Variants in VLDLR observed in about 807,000 individuals in gnomAD.
VLDLR encodes very low density lipoprotein receptor.
A neutral mutation model predicts 112.7 loss-of-function variants in VLDLR; 81 were observed. The ratio of observed to expected loss-of-function variants is 0.72; its 90% CI spans 0.60 to 0.86. The LOEUF (loss-of-function observed/expected upper bound fraction) is 0.86. Ranked by LOEUF, VLDLR falls within the 40% of genes least tolerant of loss-of-function variation. The probability of loss-of-function intolerance (pLI) is 0.00; values close to 1 mark genes in which losing one functional copy is unlikely to be tolerated. For synonymous variants in VLDLR, 436 were observed against 384.8 expected (o/e 1.13, Z -1.56); for missense variants, 1,237 against 1,099.4 (o/e 1.13, Z -1.77).
In VLDLR at chr9:2,647,588, A is replaced by G. The variant is rs1818132711; in HGVS notation, c.1818A>G (p.Thr606=). Reference sequence around the variant, plus strand: ...ATATCCAGTGGCCTAACGGAATTACACTTGGTATGTATGTTCTTCCTTCTC... The same window carrying G: ...ATATCCAGTGGCCTAACGGAATTACGCTTGGTATGTATGTTCTTCCTTCTC... ...TADIQWPNGI[T]LDLIKSRLYW... Residue 606 remains threonine, a synonymous_variant, in exon 12 of 19, where the codon ACA becomes ACG. Transcript: ENST00000382100. 7.4e-6 allele frequency: 12 copies of G among 1,612,512 alleles called. No individual in the cohort carries two copies. Among genetic ancestry groups the G allele is most frequent in the Non-Finnish European group, 1.0e-5 (12 of 1,178,542 alleles).
rs910613799 is a variant in VLDLR, at chr9:2,641,613, T to C, written c.448+114T>C. On this transcript the variant is annotated intron_variant, in intron 4 of 18. Coordinates refer to ENST00000382100, the MANE Select transcript of VLDLR (RefSeq NM_003383.5). ...GCACTGACATTGACTCACTTTTCAGTGACTTCACTATCTGCTCAATTACTT... is the reference window on the plus strand; with the variant it reads ...GCACTGACATTGACTCACTTTTCAGCGACTTCACTATCTGCTCAATTACTT... 4 of 1,478,476 alleles carry C rather than the reference T, an allele frequency of 2.7e-6. No homozygotes were observed. In the African/African-American group the frequency reaches 5.6e-5, roughly 21 times the overall value. The allele number at this position is 1,478,476 out of a possible 1,614,324, so 91.6% of individuals were successfully genotyped here. A position where few individuals can be genotyped will look rare whatever the true frequency, so the allele number is the denominator to read the frequency against.
intron 11 of VLDLR, 88 bp from the exon 12 acceptor site, chr9:2,647,386 T>C (rs1818121634): frequency 9.1e-7 from 1 of 1,093,526 alleles, no homozygotes; most frequent in Admixed American, 1.7e-5. Context: ...TTGAGTTTTC[T>C]GCTCAAATTT....
intron 14 of VLDLR, among the ~76,000 whole-genome samples, chr9:2,649,324 T>C (rs1311551623): frequency 6.6e-6 from 1 of 152,192 alleles, no homozygotes; most frequent in African/African-American, 2.4e-5. Context: ...TTGATGGTGC[T>C]CTTCCCCCTT....
intron 10 of VLDLR, 37 bp from the exon 11 acceptor site, chr9:2,646,297 C>T: frequency 6.2e-7 from 1 of 1,606,414 alleles, no homozygotes; most frequent in Non-Finnish European, 8.5e-7. Flanking sequence ...CTAATTGTGT[C>T]AAACTCTTAA....
Position 2,656,380 on chromosome 9 carries a change from G to C in VLDLR, c.*2512G>C, listed in dbSNP as rs1416716040. The C allele has an allele frequency of 6.6e-6, 1 of 152,040 alleles. No individual in the cohort carries two copies. Among genetic ancestry groups the C allele is most frequent in the African/African-American group, 2.4e-5 (1 of 41,396 alleles). The allele number at this position is 152,040 out of a possible 1,614,324, so 9.4% of individuals were successfully genotyped here. Reference sequence around the variant, plus strand: ...AGGCCAAGGCAGGAGGATCACTTGAGGCCAGGAGTTCGAGACCAGCCTGAG... The same window carrying C: ...AGGCCAAGGCAGGAGGATCACTTGACGCCAGGAGTTCGAGACCAGCCTGAG... On this transcript the variant is annotated 3_prime_UTR_variant, in exon 19 of 19. Coordinates refer to ENST00000382100, the MANE Select transcript of VLDLR (RefSeq NM_003383.5).
intron 7 of VLDLR, among the ~76,000 whole-genome samples, 194 bp downstream of exon 7, chr9:2,644,153 GTTTT>G (rs59793046): frequency 3.3e-4 from 32 of 96,362 alleles, no homozygotes; most frequent in African/African-American, 1.4e-3. Context: ...TGTTTTTGTT[GTTTT>G]TTTTTTTTTT....
Position 2,654,591 on chromosome 9 carries a change from T to C in VLDLR, c.*723T>C, listed in dbSNP as rs372282344. On this transcript the variant is annotated 3_prime_UTR_variant, in exon 19 of 19. Transcript: ENST00000382100. ...TGATGTTGTATAACTAAGCCTGTAA[T>C]TGGGCTGGTTTCTCTTACACCCTAG... is the stretch of plus-strand genomic sequence containing the variant. The C allele has an allele frequency of 6.5e-6, 1 of 152,818 alleles. No homozygotes were observed. Among genetic ancestry groups the C allele is most frequent in the Non-Finnish European group, 1.5e-5 (1 of 68,442 alleles). 9.5% of individuals were successfully genotyped at this position (152,818 alleles called of 1,614,324 possible).
Position 2,654,468 on chromosome 9 carries a change from C to T in VLDLR, c.*600C>T, listed in dbSNP as rs563541312. ...TTTTTTCAAGTGCTAAAAAATTAAA[C>T]CAAGCAGCTTAACCATGGTTTGTGC... On this transcript the variant is annotated 3_prime_UTR_variant, in exon 19 of 19. Coordinates refer to ENST00000382100, the MANE Select transcript of VLDLR (RefSeq NM_003383.5). 6.3e-6 allele frequency: 1 copy of T among 157,780 alleles called. No homozygotes were observed. The highest frequency in any genetic ancestry group is 1.9e-4 in the South Asian group (1 of 5,278). 9.8% of individuals were successfully genotyped at this position (157,780 alleles called of 1,614,324 possible).
rs1443061359 is a variant in VLDLR at position 2,622,155 on chromosome 9, G to A, written c.-35G>A. 32 of 601,374 alleles carry A rather than the reference G, an allele frequency of 5.3e-5. No individual in the cohort carries two copies. Among genetic ancestry groups the A allele is most frequent in the Non-Finnish European group, 6.6e-5 (28 of 424,994 alleles). 37.3% of individuals were successfully genotyped at this position (601,374 alleles called of 1,614,324 possible). On this transcript the variant is annotated 5_prime_UTR_variant, in exon 1 of 19. Coordinates refer to ENST00000382100, the MANE Select transcript of VLDLR (RefSeq NM_003383.5). ...TTGTCGTGCGGAGCGAACGGCGGCG[G>A]CGGCGGCGGCGGCGGCACCATCCAG...
rs1026798987 is a variant in VLDLR, at chr9:2,655,350, C to G, written c.*1482C>G. ...CCATTACTTTCTTTCTCTAAAGTCT[C>G]AGGATGTCTGGAAGCAAGGAAAGAC... On this transcript the variant is annotated 3_prime_UTR_variant, in exon 19 of 19. Transcript: ENST00000382100. 1 of 152,030 alleles carries G rather than the reference C, an allele frequency of 6.6e-6. No individual in the cohort carries two copies. Among genetic ancestry groups the G allele is most frequent in the Non-Finnish European group, 1.5e-5 (1 of 68,024 alleles). The allele number at this position is 152,030 out of a possible 1,614,324, so 9.4% of individuals were successfully genotyped here.
intron 17 of VLDLR, 57 bp from the exon 18 acceptor site, chr9:2,652,723 T>G: frequency 3.7e-6 from 6 of 1,606,832 alleles, no homozygotes; most frequent in Non-Finnish European, 5.1e-6. Context: ...TTATTACCTT[T>G]CTTGTATGTT....
At chr9:2,646,236 C>G (rs1319708079) in intron 10 of VLDLR, 98 bp from the exon 11 acceptor site, 1 of 1,164,426 alleles carries the variant, frequency 8.6e-7, no homozygotes, top group African/African-American at 1.5e-5. Flanking sequence ...GGATTTCTTT[C>G]TGAACAAAGT....
At position 2,650,350 on chromosome 9, in the gene VLDLR, G is replaced by T. The variant is rs1234979364; in HGVS notation, c.2105-20G>T. The stretch of plus-strand genomic sequence containing the variant: ...AGGCACCGGAATACCCATTTTAATG[G>T]TATTTTTTTTCCTGACTAGGTAAAA... On this transcript the variant is annotated intron_variant, in intron 14 of 18. Transcript: ENST00000382100. 42 of 1,613,674 alleles carry T rather than the reference G, an allele frequency of 2.6e-5. No individual in the cohort carries two copies. The highest frequency in any genetic ancestry group is 1.3e-4 in the Admixed American group (8 of 60,002).
At chr9:2,630,914 T>A (rs1817320971) in intron 1 of VLDLR, among the ~76,000 whole-genome samples, 1 of 152,178 alleles carries the variant, frequency 6.6e-6, no homozygotes, top group Admixed American at 6.5e-5. Context: ...AGAAAATATT[T>A]GCAAACTATT....
rs1362786216 is a variant in VLDLR, at chr9:2,643,485, T to C, written c.774T>C (p.Cys258=). The change falls in exon 5 of 19, where the codon TGT becomes TGC. Residue 258 remains cysteine (C), a synonymous_variant. Coordinates refer to ENST00000382100, the MANE Select transcript of VLDLR (RefSeq NM_003383.5). ...AGTGCATCCATAAGAAGTGGCGATG[T>C]GATGGGGACCCTGACTGCAAGGATG... ...SGECIHKKWR[C]DGDPDCKDGS... The C allele has an allele frequency of 5.6e-6, 9 of 1,614,014 alleles. No individual in the cohort carries two copies. The highest frequency in any genetic ancestry group is 3.3e-5 in the Admixed American group (2 of 60,000).
Position 2,639,090 on chromosome 9 carries a change from A to G in VLDLR, c.203-769A>G, listed in dbSNP as rs192798899. ...TGTTAGGGGATGCCCCTTGAACAGT[A>G]TATTAGTCAGCTCAGACTGCTGTCA... On this transcript the variant is annotated intron_variant, in intron 2 of 18. Transcript: ENST00000382100. Among the ~76,000 whole-genome samples the G allele has an allele frequency of 1.2e-4, 19 of 152,336 alleles. No homozygotes were observed. In the South Asian group the frequency reaches 1.7e-3, roughly 13 times the overall value.
chr9:2,645,353 T>C (rs888799038), intron 9 of VLDLR, among the ~76,000 whole-genome samples: 23 of 152,188 alleles, frequency 1.5e-4, no homozygotes, highest in African/African-American at 5.3e-4. Context: ...AAGTGACTTA[T>C]TCATCACTCA....
chr9:2,647,834 T>A, intron 12 of VLDLR: 1 of 606,344 alleles, frequency 1.6e-6, no homozygotes, highest in Non-Finnish European at 3.0e-6. Flanking sequence ...CAGTGAACGT[T>A]GGGTCTTGGG....
chr9:2,650,233 C>G, intron 14 of VLDLR, 137 bp from the exon 15 acceptor site: 2 of 1,037,420 alleles, frequency 1.9e-6, no homozygotes, highest in South Asian at 1.4e-5. Context: ...TGATACTGTT[C>G]TCACTTGAAG....
Sources: allele counts gnomAD v4.1 joint callset (sites outside exome capture counted in the v4.1 genomes callset), GRCh38; gene constraint gnomAD v4.1.1; transcripts MANE v1.5; gene names NCBI Gene and HGNC (gene_info 2026-07-23, HGNC 2026-07-21).